Variants in ITGB8 observed in about 807,000 individuals in gnomAD.
ITGB8 encodes integrin subunit beta 8.
ITGB8 carries 30 observed loss-of-function variants against 89.5 expected under a neutral mutation model. That is an observed-to-expected ratio of 0.34 (90% CI 0.25 to 0.45). The LOEUF (loss-of-function observed/expected upper bound fraction) is 0.45. ITGB8 is among the 20% of genes least tolerant of loss of function. The pLI, the probability that ITGB8 is intolerant of heterozygous loss-of-function variation, is 1.00. For missense variants in ITGB8, 836 were observed against 933.3 expected, an observed-to-expected ratio of 0.90 and a Z score of 1.36; for synonymous variants, 335 against 320.4, an observed-to-expected ratio of 1.05 and a Z score of -0.49.
chr7:20,376,947 CCCCAA>C (rs928906016), intron 3 of ITGB8, among the ~76,000 whole-genome samples: 3 of 152,236 alleles, frequency 2.0e-5, no homozygotes, highest in Admixed American at 6.5e-5. Flanking sequence ...CACTCTCACA[CCCCAA>C]CCATTTGGCA....
intron 6 of ITGB8, 111 bp downstream of exon 6, chr7:20,381,996 C>G (rs1786418560): frequency 1.1e-6 from 1 of 875,316 alleles, no homozygotes; most frequent in African/African-American, 1.7e-5. Context: ...AAGAAAGATA[C>G]AGAACAAGGA....
At chr7:20,337,617 T>C (rs948371437) in intron 1 of ITGB8, among the ~76,000 whole-genome samples, 3 of 152,258 alleles carry the variant, frequency 2.0e-5, no homozygotes, top group Admixed American at 1.3e-4. Flanking sequence ...GTATAACTTC[T>C]TCCAGATCTC....
At chr7:20,363,453 T>A (rs567435783) in intron 1 of ITGB8, among the ~76,000 whole-genome samples, 184 bp from the exon 2 acceptor site, 4 of 152,346 alleles carry the variant, frequency 2.6e-5, no homozygotes, top group African/African-American at 9.6e-5. Flanking sequence ...ATCTATTAAT[T>A]ACAATGAGCC....
At chr7:20,346,915 C>T (rs1304470584) in intron 1 of ITGB8, 4 of 908,458 alleles carry the variant, frequency 4.4e-6, no homozygotes, top group Non-Finnish European at 5.3e-6. Flanking sequence ...TTTGCTTCTC[C>T]AAAATTCATG....
At chr7:20,360,342 C>A (rs1252396762) in intron 1 of ITGB8, among the ~76,000 whole-genome samples, 1 of 20,694 alleles carries the variant, frequency 4.8e-5, no homozygotes, top group Non-Finnish European at 8.5e-5. Context: ...AGACTACAGT[C>A]CTTTAATTTT....
intron 1 of ITGB8, among the ~76,000 whole-genome samples, chr7:20,345,046 G>C (rs1784877928): frequency 6.6e-6 from 1 of 152,156 alleles, no homozygotes; most frequent in African/African-American, 2.4e-5. Context: ...TAGAGAGAAA[G>C]AAACCCAGAT....
At chr7:20,358,344 T>C (rs967291134) in intron 1 of ITGB8, among the ~76,000 whole-genome samples, 1 of 152,190 alleles carries the variant, frequency 6.6e-6, no homozygotes, top group Admixed American at 6.5e-5. Context: ...GGTACAGTTA[T>C]ACTTCTAAAG....
intron 11 of ITGB8, among the ~76,000 whole-genome samples, chr7:20,405,435 C>T (rs1446520424): frequency 2.7e-5 from 4 of 150,386 alleles, no homozygotes; most frequent in Non-Finnish European, 4.4e-5. Flanking sequence ...CTCAGCCTCC[C>T]GAGTAGCTGG....
At chr7:20,375,057 A>G (rs757577547) in intron 3 of ITGB8, among the ~76,000 whole-genome samples, 4 of 152,200 alleles carry the variant, frequency 2.6e-5, no homozygotes, top group Non-Finnish European at 5.9e-5. Flanking sequence ...GTTTAACTTG[A>G]TGAATAATAG....
At chr7:20,362,791 T>C (rs956160827) in intron 1 of ITGB8, among the ~76,000 whole-genome samples, 2 of 152,170 alleles carry the variant, frequency 1.3e-5, no homozygotes, top group Non-Finnish European at 2.9e-5. Flanking sequence ...CATGATAAAA[T>C]GATGTATGAC....
intron 1 of ITGB8, 54 bp downstream of exon 1, chr7:20,331,987 G>A: frequency 6.3e-7 from 1 of 1,584,194 alleles, no homozygotes; most frequent in Non-Finnish European, 8.6e-7. Flanking sequence ...GTCTTGGGCT[G>A]GCACGAAGAG....
chr7:20,402,664 A>G (rs1787363280), intron 10 of ITGB8, among the ~76,000 whole-genome samples: 1 of 152,226 alleles, frequency 6.6e-6, no homozygotes, highest in Non-Finnish European at 1.5e-5. Flanking sequence ...ACCACCAGCA[A>G]CAAAACTGCC....
intron 1 of ITGB8, among the ~76,000 whole-genome samples, chr7:20,349,194 G>A (rs1240555560): frequency 6.6e-6 from 1 of 151,960 alleles, no homozygotes; most frequent in Non-Finnish European, 1.5e-5. Flanking sequence ...CAAATAAAGT[G>A]AATTTTAGAA....
chr7:20,381,742 C>A lies in ITGB8; in HGVS notation c.817C>A (p.Arg273=), dbSNP rs140287178. ...TATTTTTAAGAGTCATATCGGATGG[C>A]GAAAAGAGGCTAAAAGATTGCTGCT... ...AAVCESHIGW[R]KEAKRLLLVM... The change falls in exon 6 of 14, where the codon CGA becomes AGA. Residue 273 remains arginine (R), a synonymous_variant. Transcript: ENST00000222573. 1 of 1,607,508 alleles carries A rather than the reference C, an allele frequency of 6.2e-7. No individual in the cohort carries two copies. The highest frequency in any genetic ancestry group is 8.5e-7 in the Non-Finnish European group (1 of 1,177,850).
At chr7:20,334,034 C>G (rs1169125579) in intron 1 of ITGB8, among the ~76,000 whole-genome samples, 2 of 152,248 alleles carry the variant, frequency 1.3e-5, no homozygotes, top group African/African-American at 2.4e-5. Context: ...TAAAGCCATA[C>G]AAAAGAGACC....
chr7:20,378,868 C>A (rs1167954991), intron 3 of ITGB8, among the ~76,000 whole-genome samples, 183 bp from the exon 4 acceptor site: 1 of 151,820 alleles, frequency 6.6e-6, no homozygotes, highest in Non-Finnish European at 1.5e-5. Context: ...TTTCAAATTG[C>A]CTTATAATTA....
intron 1 of ITGB8, among the ~76,000 whole-genome samples, chr7:20,360,915 CTTTTT>C (rs1167974755): frequency 0.011 from 925 of 80,908 alleles, 13 homozygotes; most frequent in African/African-American, 0.036. Flanking sequence ...CAACTGCAGT[CTTTTT>C]TTTTTTTTTT....
chr7:20,391,546 T>A (rs749719197), intron 7 of ITGB8, 48 bp downstream of exon 7: 10 of 975,424 alleles, frequency 1.0e-5, no homozygotes, highest in Non-Finnish European at 1.6e-5. Flanking sequence ...TCATTGGTAA[T>A]TGAAATTAAG....
chr7:20,338,092 C>A (rs981205345), intron 1 of ITGB8, among the ~76,000 whole-genome samples: 1 of 152,076 alleles, frequency 6.6e-6, no homozygotes, highest in East Asian at 1.9e-4. Context: ...GGAGAGGCAA[C>A]GCTTCACACA....
Sources: gnomAD v4.1 joint callset for allele counts (sites outside exome capture counted in the v4.1 genomes callset) on GRCh38, gnomAD v4.1.1 for gene constraint, MANE v1.5 for transcripts, NCBI Gene and HGNC (gene_info 2026-07-23, HGNC 2026-07-21) for gene names.